The following PSG4 variants were observed in gnomAD, a reference collection of about 807,000 sequenced individuals.
PSG4 encodes the protein pregnancy-specific beta-1-glycoprotein 4.
Under a neutral mutation model 44.3 loss-of-function variants are expected in PSG4, and 61 were observed. That is an observed-to-expected ratio of 1.38 (90% CI 1.12 to 1.70). The LOEUF is 1.70. PSG4 is among the 40% of genes most tolerant of loss of function. PSG4 has a pLI of 0.00. For missense variants in PSG4, 677 were observed against 511.7 expected (o/e 1.32, Z -3.12); for synonymous variants, 248 against 191.3 (o/e 1.30, Z -2.45).
At position 43,197,154 on chromosome 19, in the gene PSG4, A is replaced by T. The variant is rs948089930; in HGVS notation, c.709+843T>A. On this transcript the variant is annotated intron_variant, in intron 3 of 5. Coordinates refer to ENST00000405312, the MANE Select transcript of PSG4 (RefSeq NM_002780.5). ...TTCAGATTGTTCATTGTTAGTGTAT[A>T]GTCTAAAGAATGACCTAGAAAGAGT... 1.4e-5 allele frequency among the ~76,000 whole-genome samples: 2 copies of T among 145,750 alleles called. 1 individual carries two copies. Among genetic ancestry groups the T allele is most frequent in the African/African-American group, 5.3e-5 (2 of 38,050 alleles).
Position 43,198,254 on chromosome 19 carries a change from A to T in PSG4, c.452T>A (p.Ile151Asn), listed in dbSNP as rs779647600. The T allele has an allele frequency of 3.2e-4, 511 of 1,586,640 alleles. 36 individuals carry two copies. The highest frequency in any genetic ancestry group is 4.1e-4 in the Non-Finnish European group (480 of 1,171,572). ...TLHLETPKPS[I>N]SSSNLNPREA... Reference sequence around the variant, plus strand: ...CCTGGGATTTAAGTTGCTGCTGGAGATGGAGGGCTTGGGAGTCTCCACTGT... The same window carrying T: ...CCTGGGATTTAAGTTGCTGCTGGAGTTGGAGGGCTTGGGAGTCTCCACTGT... Residue 151 changes from isoleucine to asparagine, a missense_variant, in exon 3 of 6, where the codon ATC becomes AAC. Physicochemically the swap from Ile to Asn is moderately radical, Grantham distance 149. Transcript: ENST00000405312.
chr19:43,204,308 A>G lies in PSG4; in HGVS notation c.65-57T>C. The G allele has an allele frequency of 4.0e-6, 6 of 1,489,416 alleles. 1 individual carries two copies. Among genetic ancestry groups the G allele is most frequent in the Non-Finnish European group, 4.5e-6 (5 of 1,113,122 alleles). The allele number at this position is 1,489,416 out of a possible 1,614,324, so 92.3% of individuals were successfully genotyped here. Reference sequence around the variant, plus strand: ...GAGACCTATGTATTGGGGTGAAAAGATGGGTCCTGAGAAGGTCTCTTCAAT... The same window carrying G: ...GAGACCTATGTATTGGGGTGAAAAGGTGGGTCCTGAGAAGGTCTCTTCAAT... On this transcript the variant is annotated intron_variant, in intron 1 of 5. Coordinates refer to ENST00000405312, the MANE Select transcript of PSG4 (RefSeq NM_002780.5).
At chr19:43,195,393 A>G in intron 3 of PSG4, 120 bp from the exon 4 acceptor site, 2 of 1,459,212 alleles carry the variant, frequency 1.4e-6, no homozygotes, top group Non-Finnish European at 1.9e-6. Context: ...GAAAGCCAAT[A>G]GCTGGTGCTT....
chr19:43,199,994 A>C (rs1967431106), intron 2 of PSG4, among the ~76,000 whole-genome samples: 1 of 145,342 alleles, frequency 6.9e-6, no homozygotes, highest in South Asian at 2.2e-4. Context: ...ATGCCAAATT[A>C]AAAGAAGTGA....
Position 43,195,406 on chromosome 19 carries a change from G to A in PSG4, c.710-133C>T, listed in dbSNP as rs377314595. 3.5e-6 allele frequency: 5 copies of A among 1,421,920 alleles called. 1 individual carries two copies. The African/African-American group carries it at 7.2e-5, about 20-fold the overall frequency. The allele number at this position is 1,421,920 out of a possible 1,614,324, so 88.1% of individuals were successfully genotyped here. A position where few individuals can be genotyped will look rare whatever the true frequency, so the allele number is the denominator to read the frequency against. On this transcript the variant is annotated intron_variant, in intron 3 of 5. Transcript: ENST00000405312. The stretch of plus-strand genomic sequence containing the variant: ...TTGAAAGCCAATAGCTGGTGCTTCT[G>A]TCACAAGATAGATGCATGATGATCT...
chr19:43,193,244 G>A lies in PSG4; in HGVS notation c.*128C>T, dbSNP rs1449279486. 1.0e-5 allele frequency: 8 copies of A among 765,614 alleles called. No homozygotes were observed. In the East Asian group the frequency reaches 1.7e-4, roughly 16 times the overall value. The allele number at this position is 765,614 out of a possible 1,614,324, so 47.4% of individuals were successfully genotyped here. A position where few individuals can be genotyped will look rare whatever the true frequency, so the allele number is the denominator to read the frequency against. On this transcript the variant is annotated 3_prime_UTR_variant, in exon 6 of 6. Coordinates refer to ENST00000405312, the MANE Select transcript of PSG4 (RefSeq NM_002780.5). Reference sequence around the variant, plus strand: ...GAGTTCTGAGTGGCTCACATGTCAGGTACAAGGGTTTTCCCATGAAATTTA... The same window carrying A: ...GAGTTCTGAGTGGCTCACATGTCAGATACAAGGGTTTTCCCATGAAATTTA...
In PSG4 at chr19:43,193,332, A is replaced by G; in HGVS notation, c.*40T>C. On this transcript the variant is annotated 3_prime_UTR_variant, in exon 6 of 6. Coordinates refer to ENST00000405312, the MANE Select transcript of PSG4 (RefSeq NM_002780.5). ...AACAGAGTGGGTCTTGCTCTTCGTG[A>G]TTCCATGGGAGAAAATGGAATTGGA... 1 of 775,402 alleles carries G rather than the reference A, an allele frequency of 1.3e-6. No homozygotes were observed. Among genetic ancestry groups the G allele is most frequent in the Non-Finnish European group, 2.4e-6 (1 of 417,620 alleles). 48.0% of individuals were successfully genotyped at this position (775,402 alleles called of 1,614,324 possible).
chr19:43,194,639 AG>A lies in PSG4; in HGVS notation c.989-46del, dbSNP rs772890971. On this transcript the variant is annotated intron_variant, in intron 4 of 5. Transcript: ENST00000405312. ...GCCATAGGTGATGTCATCCGAGGGA[AG>A]GGGATGTTCCTGGTCTCTTAAAGGG... 3.8e-6 allele frequency: 6 copies of A among 1,579,976 alleles called. No individual in the cohort carries two copies. In the African/African-American group the frequency reaches 5.4e-5, roughly 14 times the overall value.
At chr19:43,199,026 CT>C (rs1967387264) in intron 2 of PSG4, 1 of 146,490 alleles carries the variant, frequency 6.8e-6, no homozygotes, top group South Asian at 2.1e-4. Flanking sequence ...TCGCTTCCCC[CT>C]GTAGAGGGCA....
In PSG4 at chr19:43,201,662, A is replaced by G. The variant is rs940212644; in HGVS notation, c.430+2224T>C. Among the ~76,000 whole-genome samples the G allele has an allele frequency of 1.2e-4, 18 of 145,298 alleles. 3 individuals carry two copies. The highest frequency in any genetic ancestry group is 1.4e-4 in the Admixed American group (2 of 14,620). ...ATCACCAAAAAATGAGCAGTACTCA[A>G]TTTTTAGTCCTGTGACCCTGAAACT... On this transcript the variant is annotated intron_variant, in intron 2 of 5. Coordinates refer to ENST00000405312, the MANE Select transcript of PSG4 (RefSeq NM_002780.5).
At chr19:43,198,479 C>T in intron 2 of PSG4, 1 of 997,610 alleles carries the variant, frequency 1.0e-6, no homozygotes, top group East Asian at 4.1e-5. Flanking sequence ...GGGAGAAGCA[C>T]AGACTTTCTT....
At chr19:43,205,331 ACTCCTGAT>A in intron 1 of PSG4, 134 bp downstream of exon 1, 1 of 1,054,880 alleles carries the variant, frequency 9.5e-7, no homozygotes, top group Non-Finnish European at 1.3e-6. Flanking sequence ...CTGATCTTGA[ACTCCTGAT>A]CTCCTGATCC....
At position 43,204,053 on chromosome 19, in the gene PSG4, CT is replaced by C. The variant is rs757367978; in HGVS notation, c.262del (p.Arg88GlufsTer21). ...ACTGTATGCAGGCCCATATATAATT[CT>C]TTGACCGTCTACTACATATGATGTA... ...YITSYVVDGQ[R>X]IIYGPAYSGR... is the part of the protein sequence containing the mutation. On this transcript the variant is annotated frameshift_variant, in exon 2 of 6. Transcript: ENST00000405312. LOFTEE classifies it high-confidence loss of function. The C allele has an allele frequency of 1.3e-6, 2 of 1,586,744 alleles. No homozygotes were observed. Among genetic ancestry groups the C allele is most frequent in the Non-Finnish European group, 1.7e-6 (2 of 1,171,018 alleles).
At chr19:43,198,604 G>C in intron 2 of PSG4, 1 of 335,226 alleles carries the variant, frequency 3.0e-6, no homozygotes, top group Non-Finnish European at 5.2e-6. Flanking sequence ...CCACCTTGTG[G>C]TCCTCACTTG....
rs1484030624 is a variant in PSG4, at chr19:43,194,609, A to C, written c.989-15T>G. On this transcript the variant is annotated splice_polypyrimidine_tract_variant and intron_variant, in intron 4 of 5. Coordinates refer to ENST00000405312, the MANE Select transcript of PSG4 (RefSeq NM_002780.5). ...GTCTGGACCATCTGGCGCAAAGAGAATAAAGCCATAGGTGATGTCATCCGA... is the reference window on the plus strand; with the variant it reads ...GTCTGGACCATCTGGCGCAAAGAGACTAAAGCCATAGGTGATGTCATCCGA... The C allele has an allele frequency of 3.7e-6, 6 of 1,603,382 alleles. No individual in the cohort carries two copies. The highest frequency in any genetic ancestry group is 4.5e-5 in the East Asian group (2 of 44,820).
chr19:43,193,256 T>C lies in PSG4; in HGVS notation c.*116A>G. The stretch of plus-strand genomic sequence containing the variant: ...GCTCACATGTCAGGTACAAGGGTTT[T>C]CCCATGAAATTTACATCGAGTTGTC... On this transcript the variant is annotated 3_prime_UTR_variant, in exon 6 of 6. Coordinates refer to ENST00000405312, the MANE Select transcript of PSG4 (RefSeq NM_002780.5). 5 of 767,182 alleles carry C rather than the reference T, an allele frequency of 6.5e-6. No individual in the cohort carries two copies. In the Admixed American group the frequency reaches 8.5e-5, roughly 13 times the overall value. The allele number at this position is 767,182 out of a possible 1,614,324, so 47.5% of individuals were successfully genotyped here.
rs1156617934 is a variant in PSG4, at chr19:43,197,186, G to A, written c.709+811C>T. 6.2e-5 allele frequency among the ~76,000 whole-genome samples: 9 copies of A among 145,344 alleles called. 2 individuals carry two copies. The highest frequency in any genetic ancestry group is 2.4e-4 in the African/African-American group (9 of 37,878). ...AGAATGACCTAGAAAGAGTGAAGGGGACAGGCAAAAGCTGGTGGTTTTGGA... is the reference window on the plus strand; with the variant it reads ...AGAATGACCTAGAAAGAGTGAAGGGAACAGGCAAAAGCTGGTGGTTTTGGA... On this transcript the variant is annotated intron_variant, in intron 3 of 5. Transcript: ENST00000405312.
Position 43,204,205 on chromosome 19 carries a change from C to T in PSG4, c.111G>A (p.Thr37=), listed in dbSNP as rs780849541. ...FWNPPTTAQV[T]IEAQPPKVSE... is the part of the protein sequence containing the mutation. ...AAACTTTGGGTGGCTGGGCTTCAATCGTGACTTGGGCAGTTGTGGGCGGAT... is the reference window on the plus strand; with the variant it reads ...AAACTTTGGGTGGCTGGGCTTCAATTGTGACTTGGGCAGTTGTGGGCGGAT... Residue 37 remains threonine (T), a synonymous_variant, in exon 2 of 6, where the codon ACG becomes ACA. Transcript: ENST00000405312. The T allele has an allele frequency of 1.5e-5, 24 of 1,583,248 alleles. 2 individuals carry two copies. Among genetic ancestry groups the T allele is most frequent in the Non-Finnish European group, 1.9e-5 (22 of 1,169,034 alleles).
rs561244894 is a variant in PSG4 at position 43,204,392 on chromosome 19, C to T, written c.65-141G>A. The stretch of plus-strand genomic sequence containing the variant: ...CAAACACATACACACACTAAAGGGG[C>T]GTGAGTGTATGTGTGTGTGTCCTAC... On this transcript the variant is annotated intron_variant, in intron 1 of 5. Transcript: ENST00000405312. 4.1e-5 allele frequency: 48 copies of T among 1,164,958 alleles called. 2 individuals are homozygous for T. The Admixed American group carries it at 4.3e-4, about 10-fold the overall frequency. 72.2% of individuals were successfully genotyped at this position (1,164,958 alleles called of 1,614,324 possible). A position where few individuals can be genotyped will look rare whatever the true frequency, so the allele number is the denominator to read the frequency against.
Sources: allele counts gnomAD v4.1 joint callset (sites outside exome capture counted in the v4.1 genomes callset), GRCh38; gene constraint gnomAD v4.1.1; transcripts MANE v1.5; gene names NCBI Gene and HGNC (gene_info 2026-07-23, HGNC 2026-07-21).